SLC26A7: variants seen among roughly 807,000 people sequenced by gnomAD.
SLC26A7 encodes the protein anion exchange transporter.
SLC26A7 carries 59 observed loss-of-function variants against 82.5 expected under a neutral mutation model. That is an observed-to-expected ratio of 0.72 (90% confidence interval 0.58 to 0.89). The LOEUF is 0.89. Among genes scored for constraint, SLC26A7 ranks in the 40% least tolerant of loss-of-function variants. The probability of loss-of-function intolerance (pLI) is 0.00; values close to 1 mark genes in which losing one functional copy is unlikely to be tolerated. For synonymous variants in SLC26A7, 271 were observed against 274.3 expected, an observed-to-expected ratio of 0.99 and a Z score of 0.12; for missense variants, 820 against 793.0, an observed-to-expected ratio of 1.03 and a Z score of -0.41.
chr8:91,384,101 A>T (rs1416692015), intron 15 of SLC26A7, among the ~76,000 whole-genome samples: 2 of 152,142 alleles, frequency 1.3e-5, no homozygotes, highest in Non-Finnish European at 2.9e-5. Flanking sequence ...AACAGCACGG[A>T]TTTGTTATTT....
intron 2 of SLC26A7, among the ~76,000 whole-genome samples, chr8:91,221,646 G>GT (rs1358680826): frequency 1.3e-5 from 2 of 152,024 alleles, no homozygotes; most frequent in African/African-American, 2.4e-5. Flanking sequence ...CCCATTGCTT[G>GT]TTTTTTTCAG....
chr8:91,227,054 A>G (rs1810248728), intron 2 of SLC26A7, among the ~76,000 whole-genome samples: 1 of 152,218 alleles, frequency 6.6e-6, no homozygotes, highest in Admixed American at 6.5e-5. Context: ...GATTAATTAA[A>G]TTAGAAACTT....
chr8:91,301,154 GT>G (rs1213371952), intron 4 of SLC26A7, among the ~76,000 whole-genome samples: 5 of 151,968 alleles, frequency 3.3e-5, no homozygotes, highest in Non-Finnish European at 7.4e-5. Context: ...TTCTTCTTTA[GT>G]ATTTTGCATC....
chr8:91,216,648 A>G (rs1305719833), intron 1 of SLC26A7, among the ~76,000 whole-genome samples: 1 of 152,126 alleles, frequency 6.6e-6, no homozygotes, highest in Non-Finnish European at 1.5e-5. Flanking sequence ...TGGAAAAGGA[A>G]AAGACCATAT....
At chr8:91,299,364 C>T (rs1812099898) in intron 4 of SLC26A7, among the ~76,000 whole-genome samples, 1 of 151,600 alleles carries the variant, frequency 6.6e-6, no homozygotes, top group African/African-American at 2.4e-5. Flanking sequence ...TAGCTTTTTT[C>T]AACACTGAGT....
chr8:91,393,010 G>A (rs543736420), intron 16 of SLC26A7, among the ~76,000 whole-genome samples: 1 of 152,170 alleles, frequency 6.6e-6, no homozygotes, highest in Admixed American at 6.5e-5. Flanking sequence ...TCTTACTGCT[G>A]GAAGAATATG....
At chr8:91,373,856 G>T (rs912471533) in intron 15 of SLC26A7, among the ~76,000 whole-genome samples, 5 of 151,886 alleles carry the variant, frequency 3.3e-5, no homozygotes, top group Non-Finnish European at 7.4e-5. Flanking sequence ...TCTGGTCCTG[G>T]ACTTCTTTTT....
chr8:91,302,568 G>A (rs778329643), intron 4 of SLC26A7, among the ~76,000 whole-genome samples: 12 of 151,964 alleles, frequency 7.9e-5, no homozygotes, highest in African/African-American at 2.2e-4. Flanking sequence ...GCATTATTGA[G>A]GTATAATTGC....
At chr8:91,219,393 C>T (rs1293889561) in intron 2 of SLC26A7, among the ~76,000 whole-genome samples, 8 of 151,880 alleles carry the variant, frequency 5.3e-5, no homozygotes, top group East Asian at 1.9e-4. Context: ...GCTAGATAGT[C>T]GTATTATATT....
At chr8:91,213,944 AG>A (rs1224010551) in intron 1 of SLC26A7, among the ~76,000 whole-genome samples, 1 of 152,158 alleles carries the variant, frequency 6.6e-6, no homozygotes, top group African/African-American at 2.4e-5. Flanking sequence ...AGATTAAGTA[AG>A]GGGTTTGAAC....
intron 15 of SLC26A7, among the ~76,000 whole-genome samples, chr8:91,378,470 T>C (rs1814580274): frequency 6.8e-6 from 1 of 147,486 alleles, no homozygotes; most frequent in South Asian, 2.1e-4. Flanking sequence ...ATTTTATATG[T>C]ATTTATATAT....
chr8:91,343,322 GATATT>G, intron 8 of SLC26A7, 26 bp from the exon 9 acceptor site: 1 of 1,346,176 alleles, frequency 7.4e-7, no homozygotes, highest in South Asian at 1.2e-5. Flanking sequence ...TTGTGATTAA[GATATT>G]ATATATTCTC....
At chr8:91,351,135 T>A (rs1280073180) in intron 9 of SLC26A7, among the ~76,000 whole-genome samples, 1 of 152,136 alleles carries the variant, frequency 6.6e-6, no homozygotes, top group Non-Finnish European at 1.5e-5. Context: ...CCTGAACATT[T>A]GCTTCTGTGA....
At chr8:91,293,533 G>T (rs2130773164) in intron 3 of SLC26A7, among the ~76,000 whole-genome samples, 1 of 152,294 alleles carries the variant, frequency 6.6e-6, no homozygotes, top group East Asian at 1.9e-4. Flanking sequence ...TTGGCGTGGT[G>T]GATATGCCTG....
At chr8:91,231,565 C>A (rs552697604) in intron 2 of SLC26A7, among the ~76,000 whole-genome samples, 1 of 152,152 alleles carries the variant, frequency 6.6e-6, no homozygotes, top group African/African-American at 2.4e-5. Flanking sequence ...CTTTTCTTTT[C>A]TTTTTTCTTT....
At chr8:91,298,552 T>G (rs1450303605) in intron 4 of SLC26A7, among the ~76,000 whole-genome samples, 5 of 152,146 alleles carry the variant, frequency 3.3e-5, no homozygotes, top group Admixed American at 2.0e-4. Context: ...AAGTCATCAT[T>G]GTACCTAGCA....
intron 11 of SLC26A7, among the ~76,000 whole-genome samples, chr8:91,356,943 A>G (rs1000105490): frequency 3.3e-5 from 5 of 152,172 alleles, no homozygotes; most frequent in Non-Finnish European, 7.3e-5. Context: ...CGCAGTTCTT[A>G]TTTAGATCAT....
intron 2 of SLC26A7, among the ~76,000 whole-genome samples, chr8:91,270,227 G>A (rs555207374): frequency 2.6e-5 from 4 of 152,244 alleles, no homozygotes; most frequent in African/African-American, 9.6e-5. Flanking sequence ...GTACTCTTTG[G>A]TGGTACTAGA....
At chr8:91,218,975 AC>A in exon 2 of SLC26A7, 1 of 1,550,136 alleles carries the variant, frequency 6.5e-7, no homozygotes, top group Non-Finnish European at 8.7e-7. Context: ...CGTGACCCTA[AC>A]CTCTTTGGAA....
Sources: gnomAD v4.1 joint callset for allele counts (sites outside exome capture counted in the v4.1 genomes callset) on GRCh38, gnomAD v4.1.1 for gene constraint, MANE v1.5 for transcripts, NCBI Gene and HGNC (gene_info 2026-07-23, HGNC 2026-07-21) for gene names.